Variants in HMGCLL1 observed in about 807,000 individuals in gnomAD.
HMGCLL1 encodes 3-hydroxy-3-methylglutaryl-CoA lyase like 1.
A neutral mutation model predicts 39.1 loss-of-function variants in HMGCLL1; 36 were observed. That is an observed-to-expected ratio of 0.92 (90% CI 0.71 to 1.22). HMGCLL1 has a LOEUF of 1.22. Ranked by LOEUF, HMGCLL1 falls within the 50% of genes most tolerant of loss-of-function variation. HMGCLL1 has a pLI of 0.00. For missense variants in HMGCLL1, 451 were observed against 416.5 expected (o/e 1.08, Z -0.72); for synonymous variants, 149 against 144.0 (o/e 1.03, Z -0.25).
rs79234634 is a variant in HMGCLL1, at chr6:55,492,352, C to T, written c.795+3067G>A. 7.1e-3 allele frequency among the ~76,000 whole-genome samples: 1,084 copies of T among 152,210 alleles called. 11 individuals carry two copies. The highest frequency in any genetic ancestry group is 0.01 in the Non-Finnish European group (682 of 68,018). On this transcript the variant is annotated intron_variant, in intron 7 of 8. Coordinates refer to ENST00000274901, the MANE Select transcript of HMGCLL1 (RefSeq NM_001042406.2). ...TTTCTTCTTCTCCTCTAAAGTTAAA[C>T]CTGCTTATTGTGTTTTTGTTGTTGT... is the stretch of plus-strand genomic sequence containing the variant.
At chr6:55,547,829 G>C (rs532596305) in intron 1 of HMGCLL1, among the ~76,000 whole-genome samples, 11 of 152,044 alleles carry the variant, frequency 7.2e-5, no homozygotes, top group African/African-American at 2.7e-4. Flanking sequence ...TTGCTTTTTA[G>C]ATATTAATTT....
At chr6:55,602,838 G>C in the HMGCLL1 span, among the ~76,000 whole-genome samples, 27 of 152,156 alleles carry the variant, frequency 1.8e-4, no homozygotes, top group Middle Eastern at 3.4e-3. Context: ...GTTGAGATCT[G>C]TGTATTATTT....
chr6:55,573,184 A>G (rs1312531692), intron 1 of HMGCLL1, among the ~76,000 whole-genome samples: 2 of 152,228 alleles, frequency 1.3e-5, no homozygotes, highest in Non-Finnish European at 2.9e-5. Flanking sequence ...GCTAAACCTC[A>G]TATCAGGTAA....
At chr6:55,559,452 A>G (rs1351663001) in intron 1 of HMGCLL1, among the ~76,000 whole-genome samples, 3 of 152,168 alleles carry the variant, frequency 2.0e-5, no homozygotes, top group African/African-American at 7.2e-5. Flanking sequence ...TTTCTGGACA[A>G]TGGAGTGAAG....
chr6:55,629,571 T>A, the HMGCLL1 span, among the ~76,000 whole-genome samples: 1 of 152,076 alleles, frequency 6.6e-6, no homozygotes, highest in Non-Finnish European at 1.5e-5. Flanking sequence ...TCCAAGACAA[T>A]GGGGAAAATA....
intron 7 of HMGCLL1, among the ~76,000 whole-genome samples, chr6:55,471,097 A>G (rs1765025185): frequency 6.6e-6 from 1 of 151,790 alleles, no homozygotes; most frequent in Admixed American, 6.6e-5. Context: ...AATTCTGCAT[A>G]TCATTCTCCT....
chr6:55,586,571 T>C, the HMGCLL1 span, among the ~76,000 whole-genome samples: 6 of 132,344 alleles, frequency 4.5e-5, no homozygotes, highest in East Asian at 1.5e-3. Context: ...CAGGCCCCAG[T>C]GTGTGATGTT....
chr6:55,506,050 C>T (rs1295904435), intron 5 of HMGCLL1, among the ~76,000 whole-genome samples: 1 of 151,636 alleles, frequency 6.6e-6, no homozygotes, highest in African/African-American at 2.4e-5. Context: ...CTGAACTAGG[C>T]TTTAAAACCA....
intron 7 of HMGCLL1, among the ~76,000 whole-genome samples, chr6:55,477,841 G>A (rs1328541577): frequency 6.6e-6 from 1 of 150,626 alleles, no homozygotes; most frequent in Admixed American, 6.6e-5. Flanking sequence ...TGTCATCAAT[G>A]TTCATGAGTG....
chr6:55,609,650 A>G, the HMGCLL1 span, among the ~76,000 whole-genome samples: 2 of 152,150 alleles, frequency 1.3e-5, no homozygotes, highest in Non-Finnish European at 2.9e-5. Flanking sequence ...CCCCCAGGGC[A>G]GCACAACTCG....
At chr6:55,618,643 A>G in the HMGCLL1 span, among the ~76,000 whole-genome samples, 2 of 152,088 alleles carry the variant, frequency 1.3e-5, no homozygotes, top group South Asian at 4.1e-4. Context: ...ATATCTTAAG[A>G]GCTTACAGAG....
chr6:55,591,351 T>C, the HMGCLL1 span, among the ~76,000 whole-genome samples: 1 of 151,970 alleles, frequency 6.6e-6, no homozygotes, highest in African/African-American at 2.4e-5. Context: ...CAGTGATGTG[T>C]GTTCTGCCTT....
intron 1 of HMGCLL1, among the ~76,000 whole-genome samples, chr6:55,574,824 A>G (rs1202991091): frequency 6.6e-6 from 1 of 152,184 alleles, no homozygotes; most frequent in Non-Finnish European, 1.5e-5. Flanking sequence ...GAGACCCTTT[A>G]GCACCAAATA....
the HMGCLL1 span, among the ~76,000 whole-genome samples, chr6:55,601,882 C>A: frequency 6.6e-6 from 1 of 151,996 alleles, no homozygotes; most frequent in Non-Finnish European, 1.5e-5. Flanking sequence ...GAGCTAAATG[C>A]TTTTTCTCTT....
At chr6:55,592,996 TA>T in the HMGCLL1 span, among the ~76,000 whole-genome samples, 2 of 152,118 alleles carry the variant, frequency 1.3e-5, no homozygotes, top group African/African-American at 4.8e-5. Context: ...ATGCATCATA[TA>T]TAAGGTTAAA....
the HMGCLL1 span, among the ~76,000 whole-genome samples, chr6:55,591,394 C>T: frequency 0.085 from 12,942 of 151,864 alleles, 748 homozygotes; most frequent in Non-Finnish European, 0.13. Context: ...TCTAGGTCTT[C>T]GAAGCAAACT....
At position 55,577,297 on chromosome 6, in the gene HMGCLL1, G is replaced by A. The variant is rs144109936; in HGVS notation, c.108+1651C>T. ...AACAGAATTATTTTTAAAAATTCCC[G>A]AGAACACAAAAAGAAGCATAACTCT... On this transcript the variant is annotated intron_variant, in intron 1 of 8. Coordinates refer to ENST00000274901, the MANE Select transcript of HMGCLL1 (RefSeq NM_001042406.2). 75 of 1,278,922 alleles carry A rather than the reference G, an allele frequency of 5.9e-5. No individual in the cohort carries two copies. In the African/African-American group the frequency reaches 7.3e-4, roughly 13 times the overall value. The allele number at this position is 1,278,922 out of a possible 1,614,324, so 79.2% of individuals were successfully genotyped here. A position where few individuals can be genotyped will look rare whatever the true frequency, so the allele number is the denominator to read the frequency against.
In HMGCLL1 at chr6:55,477,358, ATAT is replaced by A. The variant is rs1418198139; in HGVS notation, c.795+18058_795+18060del. 9.6e-5 allele frequency among the ~76,000 whole-genome samples: 4 copies of A among 41,454 alleles called. 1 individual carries two copies. In the East Asian group the frequency reaches 4.1e-3, roughly 42 times the overall value. The allele number at this position is 41,454 out of a possible 152,430, so 27.2% of individuals were successfully genotyped here. Reference sequence around the variant, plus strand: ...AATATATATTATATTTAGATAATATATATTATATTAATATAATATATATTATCT... The same window carrying A: ...AATATATATTATATTTAGATAATATATATATTAATATAATATATATTATCT... On this transcript the variant is annotated intron_variant, in intron 7 of 8. Transcript: ENST00000274901.
intron 7 of HMGCLL1, among the ~76,000 whole-genome samples, chr6:55,485,945 A>C (rs986621805): frequency 2.6e-5 from 4 of 151,644 alleles, no homozygotes; most frequent in African/African-American, 4.8e-5. Context: ...AAGATGAATA[A>C]AATATTAGAA....
Sources: gnomAD v4.1 joint callset for allele counts (sites outside exome capture counted in the v4.1 genomes callset) on GRCh38, gnomAD v4.1.1 for gene constraint, MANE v1.5 for transcripts, NCBI Gene and HGNC (gene_info 2026-07-23, HGNC 2026-07-21) for gene names.